The following SPOCK1 variants were observed in gnomAD, a reference collection of about 807,000 sequenced individuals.
The protein encoded by SPOCK1 is SPARC (osteonectin), cwcv and kazal like domains proteoglycan 1, also known as testican-1.
A neutral mutation model predicts 55.3 loss-of-function variants in SPOCK1; 23 were observed. The ratio of observed to expected loss-of-function variants is 0.42; its 90% confidence interval spans 0.30 to 0.59. The LOEUF is 0.59. Ranked by LOEUF, SPOCK1 falls within the 20% of genes least tolerant of loss-of-function variation. The pLI, the probability that SPOCK1 is intolerant of heterozygous loss-of-function variation, is 0.22. For synonymous variants in SPOCK1, 226 were observed against 221.0 expected, an observed-to-expected ratio of 1.02 and a Z score of -0.20; for missense variants, 499 against 552.5, an observed-to-expected ratio of 0.90 and a Z score of 0.97.
At chr5:137,363,870 A>T (rs892296453) in intron 2 of SPOCK1, among the ~76,000 whole-genome samples, 16 of 152,242 alleles carry the variant, frequency 1.1e-4, no homozygotes, top group African/African-American at 3.9e-4. Context: ...GTCACTGGGG[A>T]CAGGCTTGAG....
chr5:137,074,753 G>A (rs1752717015), intron 5 of SPOCK1, among the ~76,000 whole-genome samples: 1 of 152,038 alleles, frequency 6.6e-6, no homozygotes, highest in Non-Finnish European at 1.5e-5. Flanking sequence ...CACCCAGGCT[G>A]GAGTGCAGTG....
At chr5:136,999,486 A>T (rs902621521) in intron 6 of SPOCK1, among the ~76,000 whole-genome samples, 1 of 152,092 alleles carries the variant, frequency 6.6e-6, no homozygotes, top group Non-Finnish European at 1.5e-5. Context: ...TTGAAAGTGG[A>T]GAGGTAGGAG....
At chr5:137,328,544 T>C (rs920259745) in intron 2 of SPOCK1, among the ~76,000 whole-genome samples, 1 of 152,180 alleles carries the variant, frequency 6.6e-6, no homozygotes, top group Non-Finnish European at 1.5e-5. Flanking sequence ...AGTGTTCACT[T>C]AATACTGACG....
chr5:137,200,363 A>G (rs1378977572), intron 3 of SPOCK1, among the ~76,000 whole-genome samples: 1 of 152,086 alleles, frequency 6.6e-6, no homozygotes, highest in Non-Finnish European at 1.5e-5. Flanking sequence ...ACCTCCTAAA[A>G]TGAATAAAAA....
chr5:137,118,897 C>G (rs1252405962), intron 4 of SPOCK1, among the ~76,000 whole-genome samples: 1 of 152,180 alleles, frequency 6.6e-6, no homozygotes, highest in Non-Finnish European at 1.5e-5. Context: ...ATAATGAAGA[C>G]CAGCAGCAGC....
chr5:137,496,613 AAGAT>A (rs781639694), intron 2 of SPOCK1, among the ~76,000 whole-genome samples: 56 of 152,322 alleles, frequency 3.7e-4, no homozygotes, highest in Admixed American at 1.4e-3. Context: ...CTCTATCTAA[AAGAT>A]AGCCATAGAA....
intron 2 of SPOCK1, among the ~76,000 whole-genome samples, chr5:137,424,359 T>C (rs1752564148): frequency 3.9e-5 from 6 of 152,178 alleles, no homozygotes; most frequent in Admixed American, 2.0e-4. Flanking sequence ...CCAGCCTGGG[T>C]GACAGAGCAG....
At chr5:137,424,417 T>C (rs1158339445) in intron 2 of SPOCK1, among the ~76,000 whole-genome samples, 1 of 152,208 alleles carries the variant, frequency 6.6e-6, no homozygotes, top group Non-Finnish European at 1.5e-5. Context: ...CATATATGTG[T>C]GGGTCTATTT....
At chr5:137,487,786 A>G (rs1044383513) in intron 2 of SPOCK1, among the ~76,000 whole-genome samples, 1 of 152,208 alleles carries the variant, frequency 6.6e-6, no homozygotes, top group Admixed American at 6.5e-5. Flanking sequence ...GCAGCCAATC[A>G]AGACCCAAAT....
intron 9 of SPOCK1, among the ~76,000 whole-genome samples, chr5:136,979,753 T>C (rs1235714377): frequency 2.0e-5 from 3 of 152,210 alleles, no homozygotes; most frequent in Non-Finnish European, 4.4e-5. Context: ...TGCTTACATA[T>C]GTATGTGTAT....
At chr5:137,062,772 A>G (rs1019436648) in intron 6 of SPOCK1, among the ~76,000 whole-genome samples, 1 of 152,006 alleles carries the variant, frequency 6.6e-6, no homozygotes, top group Non-Finnish European at 1.5e-5. Context: ...CAACGCAGAG[A>G]TTTCAATTTC....
chr5:137,257,105 C>G (rs527867805), intron 3 of SPOCK1, among the ~76,000 whole-genome samples: 1 of 152,208 alleles, frequency 6.6e-6, no homozygotes, highest in African/African-American at 2.4e-5. Context: ...GTTACTGCAT[C>G]AGGCCCATCT....
intron 6 of SPOCK1, among the ~76,000 whole-genome samples, chr5:137,039,025 A>AGAT (rs141259528): frequency 4.9e-4 from 74 of 152,280 alleles, no homozygotes; most frequent in African/African-American, 1.7e-3. Flanking sequence ...ATAACAGTGT[A>AGAT]GATGATGATG....
chr5:137,489,195 G>A (rs1021840088), intron 2 of SPOCK1, among the ~76,000 whole-genome samples: 1 of 152,204 alleles, frequency 6.6e-6, no homozygotes, highest in Admixed American at 6.5e-5. Flanking sequence ...CACTCCCCAT[G>A]TGGTGCTGAA....
chr5:137,166,928 G>C lies in SPOCK1; in HGVS notation c.233-26234C>G, dbSNP rs556522663. ...AAGAAGGCTGGCCACAAAACAACCA[G>C]GAGGCAAATAGCAAAACGGCAAGAG... On this transcript the variant is annotated intron_variant, in intron 3 of 10. Transcript: ENST00000394945. Among the ~76,000 whole-genome samples, 6 of 152,026 alleles carry C rather than the reference G, an allele frequency of 3.9e-5. No individual in the cohort carries two copies. The East Asian group carries it at 5.8e-4, about 15-fold the overall frequency.
intron 2 of SPOCK1, among the ~76,000 whole-genome samples, chr5:137,302,512 G>A (rs1757618384): frequency 1.3e-5 from 2 of 151,852 alleles, no homozygotes; most frequent in African/African-American, 4.8e-5. Context: ...GGGAGGCAGA[G>A]CTTGCAGTGA....
At chr5:137,157,929 G>A (rs1207256906) in intron 3 of SPOCK1, among the ~76,000 whole-genome samples, 1 of 152,150 alleles carries the variant, frequency 6.6e-6, no homozygotes, top group Non-Finnish European at 1.5e-5. Flanking sequence ...GGGTGTGGTG[G>A]CGCTTGCCTG....
chr5:137,378,016 C>A (rs1413403011), intron 2 of SPOCK1, among the ~76,000 whole-genome samples: 2 of 134,120 alleles, frequency 1.5e-5, no homozygotes, highest in Admixed American at 9.0e-5. Context: ...GCAATGTTGG[C>A]TCACCGCAAC....
intron 6 of SPOCK1, among the ~76,000 whole-genome samples, chr5:137,027,900 C>T (rs1580714498): frequency 1.3e-5 from 2 of 152,160 alleles, no homozygotes; most frequent in Admixed American, 6.5e-5. Context: ...ATGAGAACCA[C>T]GGGGTGAACC....
Sources: gnomAD v4.1 joint callset for allele counts (sites outside exome capture counted in the v4.1 genomes callset) on GRCh38, gnomAD v4.1.1 for gene constraint, MANE v1.5 for transcripts, NCBI Gene and HGNC (gene_info 2026-07-23, HGNC 2026-07-21) for gene names.